The following CRIPTO variants were observed in gnomAD, a reference collection of about 807,000 sequenced individuals.
The protein encoded by CRIPTO is cripto, EGF-CFC family member, also known as protein Cripto.
At chr3:46,579,924 G>A in the CRIPTO span, 7 of 1,614,140 alleles carry the variant, frequency 4.3e-6, no homozygotes, top group South Asian at 1.1e-5. Flanking sequence ...CAGACCCAAG[G>A]CTATCGCCTT....
the CRIPTO span, chr3:46,579,994 T>C: frequency 1.2e-6 from 2 of 1,614,246 alleles, no homozygotes; most frequent in Non-Finnish European, 1.7e-6. Context: ...GCCCAAGAAG[T>C]GTTCCCTGTG....
the CRIPTO span, among the ~76,000 whole-genome samples, chr3:46,580,664 C>A: frequency 3.9e-5 from 6 of 152,122 alleles, no homozygotes; most frequent in Non-Finnish European, 7.3e-5. Flanking sequence ...GGCGACAGTC[C>A]TCTCTCCACC....
At chr3:46,579,653 T>C in the CRIPTO span, 2 of 1,323,630 alleles carry the variant, frequency 1.5e-6, no homozygotes, top group Non-Finnish European at 2.2e-6. Context: ...ATACAACACA[T>C]TGGTGTTGTA....
chr3:46,576,843 T>C, the CRIPTO span, among the ~76,000 whole-genome samples: 3 of 152,004 alleles, frequency 2.0e-5, no homozygotes, highest in African/African-American at 7.2e-5. Flanking sequence ...GACGCGCCTC[T>C]CCATCTGGGG....
chr3:46,579,456 C>A, the CRIPTO span: 1 of 1,604,468 alleles, frequency 6.2e-7, no homozygotes, highest in East Asian at 2.2e-5. Flanking sequence ...AAAAGGGCAC[C>A]TGGTTCTGGA....
At chr3:46,581,688 T>C in the CRIPTO span, 1 of 489,422 alleles carries the variant, frequency 2.0e-6, no homozygotes, top group Non-Finnish European at 3.6e-6. Flanking sequence ...TTTTTTGTAT[T>C]TTTAGTAGAG....
chr3:46,579,693 C>T, the CRIPTO span: 1 of 1,594,948 alleles, frequency 6.3e-7, no homozygotes, highest in Non-Finnish European at 8.6e-7. Flanking sequence ...ATTGCCCTTG[C>T]ACTTTTCCAT....
chr3:46,582,257 T>C, the CRIPTO span: 13 of 152,274 alleles, frequency 8.5e-5, no homozygotes, highest in East Asian at 2.5e-3. Flanking sequence ...AGAAAAAAAA[T>C]TATACCTCAA....
At chr3:46,575,355 C>A in the CRIPTO span, among the ~76,000 whole-genome samples, 2 of 152,172 alleles carry the variant, frequency 1.3e-5, no homozygotes, top group East Asian at 3.8e-4. Flanking sequence ...TCCAGCCCAA[C>A]GGCAAATATC....
the CRIPTO span, chr3:46,578,081 T>A: frequency 6.7e-7 from 1 of 1,492,378 alleles, no homozygotes; most frequent in Non-Finnish European, 9.3e-7. Flanking sequence ...TCTACACCTG[T>A]CATTTGATTT....
At chr3:46,579,825 CG>C in the CRIPTO span, 14 of 1,613,852 alleles carry the variant, frequency 8.7e-6, no homozygotes, top group Non-Finnish European at 1.2e-5. Context: ...CTTCTACGGA[CG>C]GAACTGTGAG....
chr3:46,578,603 GGAGGCT>G, the CRIPTO span, among the ~76,000 whole-genome samples: 1 of 152,110 alleles, frequency 6.6e-6, no homozygotes, highest in East Asian at 1.9e-4. Flanking sequence ...CAGCTACTCT[GGAGGCT>G]GAGGCAGGAG....
chr3:46,579,660 T>C, the CRIPTO span: 1 of 1,430,690 alleles, frequency 7.0e-7, no homozygotes, highest in South Asian at 1.1e-5. Flanking sequence ...ACATTGGTGT[T>C]GTATTAACCT....
chr3:46,576,838 G>A, the CRIPTO span, among the ~76,000 whole-genome samples: 11 of 152,174 alleles, frequency 7.2e-5, no homozygotes, highest in African/African-American at 2.4e-4. Context: ...TCATAGACGC[G>A]CCTCTCCATC....
the CRIPTO span, among the ~76,000 whole-genome samples, chr3:46,578,316 A>G: frequency 2.6e-5 from 4 of 151,962 alleles, no homozygotes; most frequent in Non-Finnish European, 5.9e-5. Flanking sequence ...TTCCGAAAAG[A>G]TTAAAGGTAT....
At chr3:46,579,328 G>T in the CRIPTO span, 2 of 1,614,026 alleles carry the variant, frequency 1.2e-6, no homozygotes, top group Non-Finnish European at 1.7e-6. Flanking sequence ...ATTCGGCCTC[G>T]GTCTTCCCAG....
the CRIPTO span, among the ~76,000 whole-genome samples, chr3:46,575,888 A>G: frequency 8.5e-4 from 129 of 151,400 alleles, no homozygotes; most frequent in African/African-American, 3.1e-3. Context: ...TACCACACTG[A>G]GTAACATCTT....
the CRIPTO span, chr3:46,577,752 G>C: frequency 1.8e-5 from 11 of 598,920 alleles, no homozygotes; most frequent in African/African-American, 2.0e-4. Context: ...TGAGTCTCCA[G>C]CTCAAGGTCA....
At chr3:46,580,386 C>T in the CRIPTO span, among the ~76,000 whole-genome samples, 1 of 152,118 alleles carries the variant, frequency 6.6e-6, no homozygotes. Context: ...TCTGGTGTTC[C>T]TTTCCTTTGG....
Sources: allele counts gnomAD v4.1 joint callset (sites outside exome capture counted in the v4.1 genomes callset), GRCh38; gene constraint gnomAD v4.1.1; transcripts MANE v1.5; gene names NCBI Gene and HGNC (gene_info 2026-07-23, HGNC 2026-07-21).